The following GLT8D2 variants were observed in gnomAD, a reference collection of about 807,000 sequenced individuals.
GLT8D2 encodes glycosyltransferase 8 domain containing 2.
Under a neutral mutation model 44.5 loss-of-function variants are expected in GLT8D2, and 45 were observed. The observed-to-expected ratio is 1.01, with a 90% CI of 0.80 to 1.30. The LOEUF is 1.30. Among genes scored for constraint, GLT8D2 ranks in the 50% most tolerant of loss-of-function variants. The pLI, the probability that GLT8D2 is intolerant of heterozygous loss-of-function variation, is 0.00. For missense variants in GLT8D2, 400 were observed against 430.4 expected (o/e 0.93, Z 0.62); for synonymous variants, 156 against 157.2 (o/e 0.99, Z 0.06).
rs908979919 is a variant in GLT8D2 at position 103,996,732 on chromosome 12, C to T, written c.600+3G>A. ...GAGGATTTCTGAGACAGCATATGCCCACCTGAAGTCCCACGAGTCTGTTTA... is the reference window on the plus strand; with the variant it reads ...GAGGATTTCTGAGACAGCATATGCCTACCTGAAGTCCCACGAGTCTGTTTA... On this transcript the variant is annotated splice_donor_region_variant and intron_variant, in intron 8 of 10. Transcript: ENST00000360814. 8 of 1,603,496 alleles carry T rather than the reference C, an allele frequency of 5.0e-6. No homozygotes were observed. Among genetic ancestry groups the T allele is most frequent in the South Asian group, 4.4e-5 (4 of 90,452 alleles).
At chr12:104,061,632 C>T (rs894000211) in intron 1 of GLT8D2, among the ~76,000 whole-genome samples, 4 of 152,024 alleles carry the variant, frequency 2.6e-5, no homozygotes, top group African/African-American at 7.2e-5. Flanking sequence ...CTTTTCTGTT[C>T]GCAGACATCT....
chr12:103,991,376 T>C (rs866403943), intron 10 of GLT8D2, among the ~76,000 whole-genome samples: 20 of 152,100 alleles, frequency 1.3e-4, no homozygotes, highest in Middle Eastern at 3.2e-3. Flanking sequence ...TTAGTAGAGA[T>C]GGGGTTTCAC....
intron 3 of GLT8D2, among the ~76,000 whole-genome samples, chr12:104,015,784 A>T (rs1362558607): frequency 6.6e-6 from 1 of 151,284 alleles, no homozygotes; most frequent in Admixed American, 6.6e-5. Flanking sequence ...GGCAGATCAC[A>T]TGAGGCCAGG....
At position 103,999,454 on chromosome 12, in the gene GLT8D2, C is replaced by G; in HGVS notation, c.345G>C (p.Pro115=). The change falls in exon 6 of 11, where the codon CCG becomes CCC. Residue 115 remains proline, a synonymous_variant. Coordinates refer to ENST00000360814, the MANE Select transcript of GLT8D2 (RefSeq NM_001384711.1). ...EINFKIVEFN[P]MVLKGKIRPD... is the part of the protein sequence containing the mutation. ...GTCTGATCTTCCCTTTGAGGACCAT[C>G]GGGTTGAATTCCACGATTTTAAAGT... is the stretch of plus-strand genomic sequence containing the variant. 1.2e-6 allele frequency: 2 copies of G among 1,613,582 alleles called. No individual in the cohort carries two copies. Among genetic ancestry groups the G allele is most frequent in the Non-Finnish European group, 1.7e-6 (2 of 1,179,680 alleles).
At chr12:103,993,371 C>T (rs1270787189) in intron 10 of GLT8D2, 21 bp downstream of exon 10, 2 of 1,557,838 alleles carry the variant, frequency 1.3e-6, no homozygotes, top group South Asian at 2.2e-5. Flanking sequence ...TTTTTCTAAA[C>T]AGTTTTTCTG....
chr12:104,044,288 G>A (rs564556393), intron 1 of GLT8D2, among the ~76,000 whole-genome samples: 2 of 152,150 alleles, frequency 1.3e-5, no homozygotes, highest in South Asian at 4.1e-4. Flanking sequence ...CATCCCCTCA[G>A]CAATTACCAT....
At chr12:104,034,243 T>C (rs1879677743) in intron 1 of GLT8D2, among the ~76,000 whole-genome samples, 2 of 152,216 alleles carry the variant, frequency 1.3e-5, no homozygotes, top group African/African-American at 4.8e-5. Flanking sequence ...ATGGGTGATT[T>C]CTGCATTTCC....
At chr12:104,024,341 G>T (rs1374898514) in intron 1 of GLT8D2, among the ~76,000 whole-genome samples, 1 of 152,200 alleles carries the variant, frequency 6.6e-6, no homozygotes, top group Admixed American at 6.5e-5. Context: ...GGCTGAGGTG[G>T]GAGGATTGTT....
rs189178620 is a variant in GLT8D2 at position 104,026,257 on chromosome 12, C to T, written c.-163-4766G>A. On this transcript the variant is annotated intron_variant, in intron 1 of 10. Coordinates refer to ENST00000360814, the MANE Select transcript of GLT8D2 (RefSeq NM_001384711.1). ...TCACACCACTGCCCTCCAGCTTGGG[C>T]GACAGAGCAAGACTCTGTCTCAAAA... Among the ~76,000 whole-genome samples the T allele has an allele frequency of 1.7e-3, 254 of 145,278 alleles. 1 individual carries two copies. Among genetic ancestry groups the T allele is most frequent in the African/African-American group, 6.3e-3 (246 of 39,180 alleles).
intron 1 of GLT8D2, among the ~76,000 whole-genome samples, chr12:104,034,555 G>C (rs190003058): frequency 6.6e-6 from 1 of 152,378 alleles, no homozygotes; most frequent in Non-Finnish European, 1.5e-5. Flanking sequence ...AGCAGTCTGA[G>C]ATCGACCTGC....
chr12:104,039,541 A>G (rs1880309816), intron 1 of GLT8D2, among the ~76,000 whole-genome samples: 1 of 152,264 alleles, frequency 6.6e-6, no homozygotes, highest in Non-Finnish European at 1.5e-5. Context: ...AGACACATGA[A>G]AAAATGCTCA....
chr12:104,030,576 G>A (rs998677652), intron 1 of GLT8D2, among the ~76,000 whole-genome samples: 4 of 151,978 alleles, frequency 2.6e-5, no homozygotes, highest in African/African-American at 9.7e-5. Flanking sequence ...CACTGCAAAG[G>A]AGCAATCAAT....
chr12:104,000,535 G>GA (rs200691606), intron 5 of GLT8D2, among the ~76,000 whole-genome samples: 13 of 148,934 alleles, frequency 8.7e-5, no homozygotes, highest in East Asian at 2.0e-4. Flanking sequence ...CTACTTCAAT[G>GA]AAAAAAAAAA....
intron 1 of GLT8D2, among the ~76,000 whole-genome samples, chr12:104,023,617 C>T (rs1033802232): frequency 2.0e-5 from 3 of 152,108 alleles, no homozygotes; most frequent in African/African-American, 2.4e-5. Context: ...ATTCTTGTAA[C>T]GACCACCACA....
chr12:104,045,282 C>T (rs1466404543), intron 1 of GLT8D2, among the ~76,000 whole-genome samples: 1 of 152,200 alleles, frequency 6.6e-6, no homozygotes, highest in Non-Finnish European at 1.5e-5. Flanking sequence ...GCTACTGTCA[C>T]AACAAAGAGC....
chr12:104,035,664 C>T (rs1879851403), intron 1 of GLT8D2, among the ~76,000 whole-genome samples: 1 of 152,070 alleles, frequency 6.6e-6, no homozygotes, highest in South Asian at 2.1e-4. Context: ...AAATATGGGA[C>T]TATGTGAAAA....
intron 5 of GLT8D2, among the ~76,000 whole-genome samples, chr12:104,002,011 T>C (rs1268855451): frequency 6.6e-6 from 1 of 152,230 alleles, no homozygotes; most frequent in African/African-American, 2.4e-5. Context: ...GGTCTCACTC[T>C]GTTGCCCAGG....
rs115580370 is a variant in GLT8D2 at position 104,061,690 on chromosome 12, G to C, written c.-423+2259C>G. On this transcript the variant is annotated intron_variant, in intron 1 of 10. Coordinates refer to the GLT8D2 transcript ENST00000548660. ...TTCTCTTTGGACATATTATGAAATT[G>C]GGCTGGCCAGGCGCAGTGGTTCATG... 1.2e-3 allele frequency among the ~76,000 whole-genome samples: 184 copies of C among 152,076 alleles called. 1 individual carries two copies. The highest frequency in any genetic ancestry group is 4.3e-3 in the African/African-American group (179 of 41,472).
chr12:104,003,151 T>C lies in GLT8D2; in HGVS notation c.268A>G (p.Thr90Ala), dbSNP rs577647221. 1.9e-6 allele frequency: 3 copies of C among 1,613,850 alleles called. No homozygotes were observed. The highest frequency in any genetic ancestry group is 3.3e-5 in the Admixed American group (2 of 60,006). ...ILFYVVGLRN[T>A]LTRIRKWIEH... ...ATAACTTACCGTATTCGAGTCAGAGTATTCCGGAGTCCCACTACATAGAAC... is the reference window on the plus strand; with the variant it reads ...ATAACTTACCGTATTCGAGTCAGAGCATTCCGGAGTCCCACTACATAGAAC... The change falls in exon 5 of 11, where the codon ACT (threonine) becomes GCT (alanine). Residue 90 changes from threonine (T) to alanine (A), a missense_variant. By Grantham distance (58) the Thr-to-Ala change is moderately conservative (BLOSUM62 0). Coordinates refer to ENST00000360814, the MANE Select transcript of GLT8D2 (RefSeq NM_001384711.1).
Sources: gnomAD v4.1 joint callset for allele counts (sites outside exome capture counted in the v4.1 genomes callset) on GRCh38, gnomAD v4.1.1 for gene constraint, MANE v1.5 for transcripts, NCBI Gene and HGNC (gene_info 2026-07-23, HGNC 2026-07-21) for gene names.